B3GALT1: variants seen among roughly 807,000 people sequenced by gnomAD.
B3GALT1 encodes UDP-Gal:betaGlcNAc beta 1,3-galactosyltransferase, polypeptide 1.
In B3GALT1, 10 loss-of-function variants were observed where a neutral mutation model predicts 23.2. The observed-to-expected ratio is 0.43, with a 90% CI of 0.27 to 0.73. The LOEUF is 0.73. Among genes scored for constraint, B3GALT1 ranks in the 30% least tolerant of loss-of-function variants. The pLI is 0.21. For missense variants in B3GALT1, 299 were observed against 405.4 expected, an observed-to-expected ratio of 0.74 and a Z score of 2.25; for synonymous variants, 156 against 141.5, an observed-to-expected ratio of 1.10 and a Z score of -0.73.
At chr2:167,650,437 T>C (rs1685841501) in intron 3 of B3GALT1, among the ~76,000 whole-genome samples, 1 of 151,638 alleles carries the variant, frequency 6.6e-6, no homozygotes, top group Non-Finnish European at 1.5e-5. Flanking sequence ...GCAAGTATTT[T>C]GTTGAGAATT....
chr2:167,361,845 G>A (rs577134006), intron 1 of B3GALT1, among the ~76,000 whole-genome samples: 3 of 152,144 alleles, frequency 2.0e-5, no homozygotes, highest in South Asian at 2.1e-4. Flanking sequence ...AGACCGAGAC[G>A]GGTGGATCAC....
intron 2 of B3GALT1, among the ~76,000 whole-genome samples, chr2:167,634,336 A>C (rs1685511036): frequency 6.6e-6 from 1 of 152,136 alleles, no homozygotes; most frequent in South Asian, 2.1e-4. Flanking sequence ...AGAAGGCAAG[A>C]AATAACTAAG....
At chr2:167,816,876 C>G (rs1558989269) in intron 3 of B3GALT1, among the ~76,000 whole-genome samples, 1 of 152,162 alleles carries the variant, frequency 6.6e-6, no homozygotes, top group Non-Finnish European at 1.5e-5. Context: ...TAAAAACTGA[C>G]TACATGCTCT....
At chr2:167,381,920 A>G (rs1386335291) in intron 1 of B3GALT1, among the ~76,000 whole-genome samples, 1 of 152,230 alleles carries the variant, frequency 6.6e-6, no homozygotes, top group Non-Finnish European at 1.5e-5. Flanking sequence ...TGATGTAGAC[A>G]GCGAGATCCT....
chr2:167,431,949 T>C (rs1698713329), intron 1 of B3GALT1, among the ~76,000 whole-genome samples: 1 of 152,180 alleles, frequency 6.6e-6, no homozygotes, highest in Non-Finnish European at 1.5e-5. Context: ...TAAAATTCTT[T>C]CTACTTGAAT....
chr2:167,422,543 T>C (rs1025291214), intron 1 of B3GALT1, among the ~76,000 whole-genome samples: 1 of 152,188 alleles, frequency 6.6e-6, no homozygotes, highest in Non-Finnish European at 1.5e-5. Flanking sequence ...CTGTCCTCTC[T>C]GCAGTGCAGG....
chr2:167,647,663 T>TG (rs1429983715), intron 3 of B3GALT1, among the ~76,000 whole-genome samples: 5 of 152,192 alleles, frequency 3.3e-5, no homozygotes, highest in Admixed American at 2.6e-4. Flanking sequence ...GATATGCATC[T>TG]GGGCTCTCAA....
intron 3 of B3GALT1, among the ~76,000 whole-genome samples, chr2:167,741,660 C>T (rs1261148008): frequency 6.6e-6 from 1 of 152,148 alleles, no homozygotes; most frequent in Non-Finnish European, 1.5e-5. Context: ...AGGTCCCCAG[C>T]CCTTGTAACC....
At chr2:167,781,278 T>G (rs998341473) in intron 3 of B3GALT1, among the ~76,000 whole-genome samples, 1 of 152,174 alleles carries the variant, frequency 6.6e-6, no homozygotes, top group African/African-American at 2.4e-5. Context: ...ATGGACCATT[T>G]TTTGGATCCA....
intron 3 of B3GALT1, among the ~76,000 whole-genome samples, chr2:167,746,682 T>A (rs1687657821): frequency 6.6e-6 from 1 of 152,192 alleles, no homozygotes; most frequent in Non-Finnish European, 1.5e-5. Context: ...CTGAGGCACT[T>A]GTTTGTAAAA....
chr2:167,473,338 CT>C (rs1420457577), intron 1 of B3GALT1, among the ~76,000 whole-genome samples: 1 of 152,088 alleles, frequency 6.6e-6, no homozygotes, highest in Admixed American at 6.6e-5. Context: ...AGGCAACAAA[CT>C]TTGTTGTTCC....
At chr2:167,841,296 C>CA (rs1229317661) in intron 4 of B3GALT1, among the ~76,000 whole-genome samples, 1 of 151,430 alleles carries the variant, frequency 6.6e-6, no homozygotes, top group Non-Finnish European at 1.5e-5. Flanking sequence ...TGTTAGAGCA[C>CA]AATACAGGTC....
At chr2:167,797,510 G>T (rs1688563512) in intron 3 of B3GALT1, among the ~76,000 whole-genome samples, 1 of 152,108 alleles carries the variant, frequency 6.6e-6, no homozygotes, top group Non-Finnish European at 1.5e-5. Context: ...GGGATTGCTG[G>T]ATCAAATGGT....
intron 2 of B3GALT1, among the ~76,000 whole-genome samples, chr2:167,629,845 A>G (rs1232741243): frequency 2.0e-5 from 3 of 151,740 alleles, no homozygotes; most frequent in African/African-American, 7.2e-5. Flanking sequence ...AAGCCAGCTG[A>G]CCTTTTGTGG....
chr2:167,537,209 C>T (rs1247958903), intron 2 of B3GALT1, among the ~76,000 whole-genome samples: 4 of 152,000 alleles, frequency 2.6e-5, no homozygotes, highest in Non-Finnish European at 4.4e-5. Flanking sequence ...GGAAAACTCC[C>T]GTTTATAAAA....
intron 3 of B3GALT1, chr2:167,716,008 G>C (rs927571431): frequency 2.5e-6 from 4 of 1,611,200 alleles, no homozygotes; most frequent in Non-Finnish European, 3.4e-6. Context: ...ACAATTCTGC[G>C]TAGCTCCTCC....
intron 1 of B3GALT1, among the ~76,000 whole-genome samples, chr2:167,305,993 C>T (rs916964307): frequency 1.6e-4 from 24 of 151,910 alleles, no homozygotes; most frequent in Non-Finnish European, 3.4e-4. Context: ...CAATTGAAAT[C>T]GGTATAGCCC....
chr2:167,355,577 A>G (rs1574046215), intron 1 of B3GALT1, among the ~76,000 whole-genome samples: 1 of 152,196 alleles, frequency 6.6e-6, no homozygotes, highest in East Asian at 1.9e-4. Context: ...GCCATTGTAT[A>G]TACTCTCCTA....
At chr2:167,716,042 A>G in intron 3 of B3GALT1, 2 of 1,604,034 alleles carry the variant, frequency 1.2e-6, no homozygotes, top group Non-Finnish European at 8.5e-7. Flanking sequence ...AGTAGGGCCG[A>G]GCGGTAGCGC....
Sources: gnomAD v4.1 joint callset for allele counts (sites outside exome capture counted in the v4.1 genomes callset) on GRCh38, gnomAD v4.1.1 for gene constraint, MANE v1.5 for transcripts, NCBI Gene and HGNC (gene_info 2026-07-23, HGNC 2026-07-21) for gene names.